IPO13: variants seen among roughly 807,000 people sequenced by gnomAD.
IPO13 encodes importin-13.
IPO13 carries 28 observed loss-of-function variants against 115.5 expected under a neutral mutation model. That is an observed-to-expected ratio of 0.24 (90% CI 0.18 to 0.33). The LOEUF (loss-of-function observed/expected upper bound fraction) is 0.33. Ranked by LOEUF, IPO13 falls within the 10% of genes least tolerant of loss-of-function variation. The probability of loss-of-function intolerance (pLI) is 1.00; values close to 1 mark genes in which losing one functional copy is unlikely to be tolerated. For synonymous variants in IPO13, 414 were observed against 478.9 expected, an observed-to-expected ratio of 0.86 and a Z score of 1.77; for missense variants, 785 against 1,204.6, an observed-to-expected ratio of 0.65 and a Z score of 5.16.
rs2085269268 is a variant in IPO13 at position 43,958,710 on chromosome 1, T to C, written c.1885-36T>C. The C allele has an allele frequency of 6.2e-7, 1 of 1,613,714 alleles. No homozygotes were observed. The highest frequency in any genetic ancestry group is 1.7e-5 in the Admixed American group (1 of 60,006). On this transcript the variant is annotated intron_variant, in intron 10 of 19. Coordinates refer to ENST00000372343, the MANE Select transcript of IPO13 (RefSeq NM_014652.4). The surrounding 1 kb of genome is among the most constrained non-coding windows in gnomAD (Gnocchi z 6.3). ...AGTGATCTGGGGACCAAACTGGGGC[T>C]GGGAGATCTGGAGCTTGGTTTGCTT...
At chr1:43,954,530 A>G (rs1240087002) in intron 2 of IPO13, among the ~76,000 whole-genome samples, 1 of 152,152 alleles carries the variant, frequency 6.6e-6, no homozygotes, top group Non-Finnish European at 1.5e-5. Context: ...TGCTATGGTG[A>G]CACTATGATT....
intron 2 of IPO13, among the ~76,000 whole-genome samples, chr1:43,950,921 T>C (rs986005229): frequency 3.3e-5 from 5 of 152,248 alleles, no homozygotes; most frequent in Non-Finnish European, 5.9e-5. Flanking sequence ...TAACATGATT[T>C]CTCTCACCTC....
At position 43,946,992 on chromosome 1, in the gene IPO13, G is replaced by T. The variant is rs951240409; in HGVS notation, c.-609G>T. The T allele has an allele frequency of 2.0e-5, 8 of 398,594 alleles. No individual in the cohort carries two copies. The highest frequency in any genetic ancestry group is 4.4e-5 in the Admixed American group (1 of 22,722). 24.7% of individuals were successfully genotyped at this position (398,594 alleles called of 1,614,324 possible). On this transcript the variant is annotated 5_prime_UTR_variant, in exon 1 of 20. Coordinates refer to ENST00000372343, the MANE Select transcript of IPO13 (RefSeq NM_014652.4). ...CTGGGGCGGAGGCAGCGGCTGTAGC[G>T]GGGCTGTAGCCGGGCGTTGAGCACA...
intron 11 of IPO13, 69 bp from the exon 12 acceptor site, chr1:43,960,177 GCCA>G: frequency 6.9e-7 from 1 of 1,450,306 alleles, no homozygotes; most frequent in Non-Finnish European, 9.7e-7. Context: ...CCTCCTCCCT[GCCA>G]CCAAGTCCTC....
At chr1:43,949,330 C>A in intron 1 of IPO13, 87 bp from the exon 2 acceptor site, 1 of 1,413,510 alleles carries the variant, frequency 7.1e-7, no homozygotes, top group Non-Finnish European at 9.4e-7. Context: ...GAGGGAGCAG[C>A]CTTGCAGGAC....
rs765520875 is a variant in IPO13 at position 43,967,411 on chromosome 1, A to C, written c.2710A>C (p.Ile904Leu). ...CTGCTTCAGCCTCCTGAGCATGTGG[A>C]TCAAGGAGGCCCTGCAGCCACCTGG... Reference protein sequence around the residue: ...KHCFSLLSMWIKEALQPPGFP... With the variant: ...KHCFSLLSMWLKEALQPPGFP... The change falls in exon 19 of 20, where the codon ATC becomes CTC. Residue 904 changes from isoleucine to leucine, a missense_variant. By Grantham distance (5) the Ile-to-Leu change is conservative (BLOSUM62 2). Around this residue, in one of 3 missense-constraint regions of IPO13, gnomAD observed 285 missense variants for 394.8 expected, o/e 0.72. Transcript: ENST00000372343. The surrounding 1 kb of genome is among the most constrained non-coding windows in gnomAD (Gnocchi z 6.1). 1.2e-6 allele frequency: 2 copies of C among 1,614,108 alleles called. No individual in the cohort carries two copies. Among genetic ancestry groups the C allele is most frequent in the Non-Finnish European group, 1.7e-6 (2 of 1,180,014 alleles).
Position 43,947,547 on chromosome 1 carries a change from G to C in IPO13, c.-54G>C, listed in dbSNP as rs1210396415. 4 of 1,059,242 alleles carry C rather than the reference G, an allele frequency of 3.8e-6. No homozygotes were observed. The highest frequency in any genetic ancestry group is 4.9e-6 in the Non-Finnish European group (4 of 815,882). The allele number at this position is 1,059,242 out of a possible 1,614,324, so 65.6% of individuals were successfully genotyped here. On this transcript the variant is annotated 5_prime_UTR_variant, in exon 1 of 20. Coordinates refer to ENST00000372343, the MANE Select transcript of IPO13 (RefSeq NM_014652.4). ...TCTAGCAGGGGGCCAGCAGCCAAGG[G>C]GCTGGGGCAGGAGACAGATCAGGGC...
chr1:43,955,633 A>G (rs189166376), intron 2 of IPO13, among the ~76,000 whole-genome samples: 2 of 152,252 alleles, frequency 1.3e-5, no homozygotes, highest in African/African-American at 4.8e-5. Context: ...TCACATAGAT[A>G]TCTTCTTATA....
chr1:43,950,172 A>T lies in IPO13; in HGVS notation c.821+19A>T, dbSNP rs1409037547. The T allele has an allele frequency of 3.2e-6, 5 of 1,577,390 alleles. No individual in the cohort carries two copies. Among genetic ancestry groups the T allele is most frequent in the East Asian group, 2.3e-5 (1 of 44,408 alleles). Reference sequence around the variant, plus strand: ...CCCAGAGGTGAGCTAGTACCCACTCACCCAGAAGACAACCTCTTTGGCCAG... The same window carrying T: ...CCCAGAGGTGAGCTAGTACCCACTCTCCCAGAAGACAACCTCTTTGGCCAG... On this transcript the variant is annotated intron_variant, in intron 2 of 19. Coordinates refer to ENST00000372343, the MANE Select transcript of IPO13 (RefSeq NM_014652.4).
chr1:43,959,334 C>T (rs1341944851), intron 11 of IPO13, among the ~76,000 whole-genome samples: 1 of 152,192 alleles, frequency 6.6e-6, no homozygotes. Flanking sequence ...AAGTTGCTCC[C>T]AGTGTAGAGG....
chr1:43,960,913 T>G lies in IPO13; in HGVS notation c.2147T>G (p.Leu716Arg). The G allele has an allele frequency of 6.2e-7, 1 of 1,614,222 alleles. No homozygotes were observed. Among genetic ancestry groups the G allele is most frequent in the Non-Finnish European group, 8.5e-7 (1 of 1,180,050 alleles). Residue 716 changes from leucine (L) to arginine (R), a missense_variant, in exon 13 of 20, where the codon CTG (leucine) becomes CGG (arginine). This residue lies in a region of IPO13 where 285 missense variants were observed against 394.8 expected (regional missense o/e 0.72). Transcript: ENST00000372343. ...ATCTTTGAGAAGTCTGTTAAGACGC[T>G]GCTGGATGACTTTGCCCCCATGGTG... ...CAIFEKSVKT[L>R]LDDFAPMVPQ...
Position 43,956,273 on chromosome 1 carries a change from G to C in IPO13, c.822-47G>C. The C allele has an allele frequency of 6.2e-7, 1 of 1,608,290 alleles. No individual in the cohort carries two copies. The highest frequency in any genetic ancestry group is 1.3e-5 in the African/African-American group (1 of 74,918). ...ATGCCTTTCTCTTAAAGCCAGTGTG[G>C]GGTTGAGCAGAGAGCTCTGATGGAT... On this transcript the variant is annotated intron_variant, in intron 2 of 19. Transcript: ENST00000372343. This position sits in a 1 kb window ranked among gnomAD's most constrained non-coding sequence, Gnocchi z 4.7.
At position 43,967,711 on chromosome 1, in the gene IPO13, T is replaced by C; in HGVS notation, c.*29T>C. 6.3e-7 allele frequency: 1 copy of C among 1,586,204 alleles called. No homozygotes were observed. Among genetic ancestry groups the C allele is most frequent in the Non-Finnish European group, 8.7e-7 (1 of 1,154,892 alleles). ...GTGCCCCCATCCCATCCACCCCTTCTCTTCATCCTTCCCTATTCCCAAAGA... is the reference window on the plus strand; with the variant it reads ...GTGCCCCCATCCCATCCACCCCTTCCCTTCATCCTTCCCTATTCCCAAAGA... On this transcript the variant is annotated 3_prime_UTR_variant, in exon 20 of 20. Coordinates refer to ENST00000372343, the MANE Select transcript of IPO13 (RefSeq NM_014652.4). This position sits in a 1 kb window ranked among gnomAD's most constrained non-coding sequence, Gnocchi z 6.1.
rs1478945894 is a variant in IPO13 at position 43,958,936 on chromosome 1, C to G, written c.2028+47C>G. The G allele has an allele frequency of 8.3e-6, 13 of 1,569,952 alleles. No individual in the cohort carries two copies. The highest frequency in any genetic ancestry group is 1.1e-5 in the Non-Finnish European group (12 of 1,142,706). On this transcript the variant is annotated intron_variant, in intron 11 of 19. Coordinates refer to ENST00000372343, the MANE Select transcript of IPO13 (RefSeq NM_014652.4). The surrounding 1 kb of genome is among the most constrained non-coding windows in gnomAD (Gnocchi z 6.3). ...CAAAGACATTTGTCTTTGCCATCCCCCCAACCCCCACCTGTGGGAATGTCA... is the reference window on the plus strand; with the variant it reads ...CAAAGACATTTGTCTTTGCCATCCCGCCAACCCCCACCTGTGGGAATGTCA...
chr1:43,955,899 G>A (rs2085243956), intron 2 of IPO13, among the ~76,000 whole-genome samples: 1 of 151,150 alleles, frequency 6.6e-6, no homozygotes. Context: ...GCTGGATGTG[G>A]TGGCTCCACC....
At chr1:43,957,346 C>T (rs747054629) in intron 6 of IPO13, 31 bp downstream of exon 6, 10 of 1,613,414 alleles carry the variant, frequency 6.2e-6, no homozygotes, top group Non-Finnish European at 8.5e-6. Context: ...CCTCAGCCTT[C>T]CCAGACCTGT....
Position 43,966,377 on chromosome 1 carries a change from T to C in IPO13, c.2398-198T>C. On this transcript the variant is annotated intron_variant, in intron 15 of 19. Coordinates refer to ENST00000372343, the MANE Select transcript of IPO13 (RefSeq NM_014652.4). The surrounding 1 kb of genome is among the most constrained non-coding windows in gnomAD (Gnocchi z 4.1). Reference sequence around the variant, plus strand: ...CTGCGTGTTCATGTACACATACATGTACATAGCATCCCTTGAGCTGTCCTC... The same window carrying C: ...CTGCGTGTTCATGTACACATACATGCACATAGCATCCCTTGAGCTGTCCTC... 1 of 630,430 alleles carries C rather than the reference T, an allele frequency of 1.6e-6. No individual in the cohort carries two copies. The highest frequency in any genetic ancestry group is 1.8e-5 in the South Asian group (1 of 56,168). The allele number at this position is 630,430 out of a possible 1,614,324, so 39.1% of individuals were successfully genotyped here.
chr1:43,959,423 A>G (rs1325505443), intron 11 of IPO13, among the ~76,000 whole-genome samples: 1 of 152,220 alleles, frequency 6.6e-6, no homozygotes, highest in East Asian at 1.9e-4. Context: ...TGGGGTGACC[A>G]CTTACAAGCT....
chr1:43,958,333 C>A lies in IPO13; in HGVS notation c.1749+65C>A, dbSNP rs2085265777. 1.2e-6 allele frequency: 2 copies of A among 1,611,690 alleles called. No individual in the cohort carries two copies. Among genetic ancestry groups the A allele is most frequent in the African/African-American group, 1.3e-5 (1 of 74,960 alleles). On this transcript the variant is annotated intron_variant, in intron 9 of 19. Coordinates refer to ENST00000372343, the MANE Select transcript of IPO13 (RefSeq NM_014652.4). The surrounding 1 kb of genome is among the most constrained non-coding windows in gnomAD (Gnocchi z 6.3). Reference sequence around the variant, plus strand: ...TGTGGGAATCACTTATCCCTGAAATCCTGTTTTTTGGCCTTCCCCTTCCTC... The same window carrying A: ...TGTGGGAATCACTTATCCCTGAAATACTGTTTTTTGGCCTTCCCCTTCCTC...
Sources: allele counts gnomAD v4.1 joint callset (sites outside exome capture counted in the v4.1 genomes callset), GRCh38; gene constraint gnomAD v4.1.1; regional missense constraint gnomAD v4.1.1; non-coding constraint Gnocchi (gnomAD v3.1); transcripts MANE v1.5; gene names NCBI Gene and HGNC (gene_info 2026-07-23, HGNC 2026-07-21).